BRAP: variants seen among roughly 807,000 people sequenced by gnomAD.
BRAP encodes the protein BRCA1-associated protein.
BRAP carries 42 observed loss-of-function variants against 73.4 expected under a neutral mutation model. The ratio of observed to expected loss-of-function variants is 0.57; its 90% confidence interval spans 0.45 to 0.74. The LOEUF (loss-of-function observed/expected upper bound fraction) is 0.74. Ranked by LOEUF, BRAP falls within the 30% of genes least tolerant of loss-of-function variation. The pLI, the probability that BRAP is intolerant of heterozygous loss-of-function variation, is 0.00. For synonymous variants in BRAP, 255 were observed against 267.4 expected (o/e 0.95, Z 0.45); for missense variants, 593 against 751.4 (o/e 0.79, Z 2.46).
intron 10 of BRAP, among the ~76,000 whole-genome samples, chr12:111,654,456 C>T (rs527991018): frequency 1.3e-5 from 2 of 152,184 alleles, no homozygotes; most frequent in South Asian, 2.1e-4. Flanking sequence ...GCTGGGATTA[C>T]AGGCGCCTGC....
chr12:111,655,754 A>C, intron 9 of BRAP, 99 bp from the exon 10 acceptor site: 1 of 942,524 alleles, frequency 1.1e-6, no homozygotes, highest in Non-Finnish European at 1.7e-6. Context: ...CAGAAAACTA[A>C]AACTAACCAA....
At chr12:111,674,781 A>G (rs189072398) in intron 4 of BRAP, among the ~76,000 whole-genome samples, 27 of 152,318 alleles carry the variant, frequency 1.8e-4, no homozygotes, top group African/African-American at 6.5e-4. Flanking sequence ...GGCTTCCCCC[A>G]TTCTTCAGGA....
intron 5 of BRAP, among the ~76,000 whole-genome samples, chr12:111,669,087 A>G (rs878933725): frequency 1.3e-5 from 2 of 152,228 alleles, no homozygotes; most frequent in Middle Eastern, 3.2e-3. Flanking sequence ...ATTTACGTTC[A>G]GTCAATAGTT....
intron 4 of BRAP, 100 bp from the exon 5 acceptor site, chr12:111,672,874 T>G (rs938305805): frequency 3.8e-5 from 35 of 922,156 alleles, no homozygotes; most frequent in Non-Finnish European, 5.0e-5. Context: ...TCATCAGCTT[T>G]TAAAATTTAT....
chr12:111,684,794 C>G (rs1887741976), intron 1 of BRAP, among the ~76,000 whole-genome samples: 2 of 152,012 alleles, frequency 1.3e-5, no homozygotes, highest in Non-Finnish European at 2.9e-5. Context: ...TCAGCCTCCC[C>G]AGTAGCTGGG....
chr12:111,659,868 G>GTAGAAAAAACAAAAACAAAATTTTT (rs1210002133), intron 7 of BRAP, among the ~76,000 whole-genome samples: 4 of 151,644 alleles, frequency 2.6e-5, no homozygotes, highest in Non-Finnish European at 5.9e-5. Flanking sequence ...TGTTTTTTTT[G>GTAGAAAAAACAAAAACAAAATTTTT]TAGAAAAAAC....
intron 9 of BRAP, among the ~76,000 whole-genome samples, chr12:111,657,924 G>A (rs1175645734): frequency 6.6e-6 from 1 of 150,992 alleles, no homozygotes; most frequent in African/African-American, 2.4e-5. Flanking sequence ...AAGTAACAAG[G>A]CACAGTGAAA....
At chr12:111,650,576 A>AT in intron 10 of BRAP, among the ~76,000 whole-genome samples, 1 of 151,900 alleles carries the variant, frequency 6.6e-6, no homozygotes, top group South Asian at 2.1e-4. Context: ...TAATTTTTCT[A>AT]TTTTTTAGTA....
In BRAP at chr12:111,644,578, G is replaced by A; in HGVS notation, c.1416-16C>T. 6.2e-7 allele frequency: 1 copy of A among 1,607,614 alleles called. No individual in the cohort carries two copies. Among genetic ancestry groups the A allele is most frequent in the Non-Finnish European group, 8.5e-7 (1 of 1,175,510 alleles). Reference sequence around the variant, plus strand: ...CTGAGTGCACCTTTTGAAAAACAAAGGAAGACAAAAGCACATTTTTCATTT... The same window carrying A: ...CTGAGTGCACCTTTTGAAAAACAAAAGAAGACAAAAGCACATTTTTCATTT... On this transcript the variant is annotated splice_polypyrimidine_tract_variant and intron_variant, in intron 11 of 11. Coordinates refer to ENST00000419234, the MANE Select transcript of BRAP (RefSeq NM_006768.5).
intron 4 of BRAP, 35 bp from the exon 5 acceptor site, chr12:111,672,809 A>G: frequency 6.5e-7 from 1 of 1,537,320 alleles, no homozygotes; most frequent in Non-Finnish European, 9.0e-7. Flanking sequence ...AAAAAAATTA[A>G]GACAGATACC....
chr12:111,660,695 A>G lies in BRAP; in HGVS notation c.897-20T>C. ...GGACACCTATCCAGGACACCAAAAGATAATGGTGCAGGTTAAATATAAAAG... is the reference window on the plus strand; with the variant it reads ...GGACACCTATCCAGGACACCAAAAGGTAATGGTGCAGGTTAAATATAAAAG... On this transcript the variant is annotated intron_variant, in intron 6 of 11. Transcript: ENST00000419234. The G allele has an allele frequency of 6.3e-7, 1 of 1,586,966 alleles. No homozygotes were observed. Among genetic ancestry groups the G allele is most frequent in the South Asian group, 1.2e-5 (1 of 86,096 alleles).
At chr12:111,650,459 T>A (rs1401498513) in intron 10 of BRAP, among the ~76,000 whole-genome samples, 1 of 152,118 alleles carries the variant, frequency 6.6e-6, no homozygotes, top group African/African-American at 2.4e-5. Context: ...AGAGACAGGG[T>A]TTCATCATGT....
chr12:111,654,841 T>C (rs1041773607), intron 10 of BRAP, among the ~76,000 whole-genome samples: 5 of 152,172 alleles, frequency 3.3e-5, no homozygotes, highest in Non-Finnish European at 7.4e-5. Flanking sequence ...CAAGATTTTA[T>C]TTCATACTAA....
In BRAP at chr12:111,651,034, C is replaced by T. The variant is rs943919597; in HGVS notation, c.1312-992G>A. On this transcript the variant is annotated intron_variant, in intron 10 of 11. Transcript: ENST00000419234. ...GCGAACTTGGGAATTTCCTCAACTCCACTGGTCTAAGGACACCAGCAAAAG... is the reference window on the plus strand; with the variant it reads ...GCGAACTTGGGAATTTCCTCAACTCTACTGGTCTAAGGACACCAGCAAAAG... Among the ~76,000 whole-genome samples the T allele has an allele frequency of 2.6e-5, 4 of 152,124 alleles. No individual in the cohort carries two copies. The South Asian group carries it at 8.3e-4, about 32-fold the overall frequency.
chr12:111,682,804 T>C (rs1054224568), intron 2 of BRAP, among the ~76,000 whole-genome samples: 1 of 151,860 alleles, frequency 6.6e-6, no homozygotes, highest in Admixed American at 6.6e-5. Flanking sequence ...CCCAGCTACT[T>C]GGGAGGCTGA....
In BRAP at chr12:111,682,367, G is replaced by A. The variant is rs928956285; in HGVS notation, c.245-532C>T. The stretch of plus-strand genomic sequence containing the variant: ...ACAAAAATTAGCTGGGTGTAGTAGC[G>A]TGCACCTGTAGTCCCAGCTACTTGG... On this transcript the variant is annotated intron_variant, in intron 2 of 11. Coordinates refer to ENST00000419234, the MANE Select transcript of BRAP (RefSeq NM_006768.5). 1.4e-4 allele frequency among the ~76,000 whole-genome samples: 21 copies of A among 151,842 alleles called. 1 individual carries two copies.
intron 4 of BRAP, among the ~76,000 whole-genome samples, chr12:111,678,078 C>T (rs931147121): frequency 1.3e-5 from 2 of 151,838 alleles, no homozygotes; most frequent in Non-Finnish European, 2.9e-5. Flanking sequence ...CATGGAGAAA[C>T]TCCGCCTCTA....
rs1885999867 is a variant in BRAP at position 111,644,042 on chromosome 12, T to C, written c.*157A>G. 8.5e-7 allele frequency: 1 copy of C among 1,177,664 alleles called. No individual in the cohort carries two copies. The highest frequency in any genetic ancestry group is 1.2e-6 in the Non-Finnish European group (1 of 864,460). 73.0% of individuals were successfully genotyped at this position (1,177,664 alleles called of 1,614,324 possible). On this transcript the variant is annotated 3_prime_UTR_variant, in exon 12 of 12. Coordinates refer to ENST00000419234, the MANE Select transcript of BRAP (RefSeq NM_006768.5). ...GCTCTCCAGTCAGCACCCTTTACAT[T>C]CACTACATCACACACTAGCAAATGA... is the stretch of plus-strand genomic sequence containing the variant.
chr12:111,683,037 G>A lies in BRAP; in HGVS notation c.244+109C>T, dbSNP rs142161360. 125 of 1,271,636 alleles carry A rather than the reference G, an allele frequency of 9.8e-5. No homozygotes were observed. The African/African-American group carries it at 1.8e-3, about 18-fold the overall frequency. The allele number at this position is 1,271,636 out of a possible 1,614,324, so 78.8% of individuals were successfully genotyped here. On this transcript the variant is annotated intron_variant, in intron 2 of 11. Transcript: ENST00000419234. ...CATATAAAGCACACACGTAGTGAAA[G>A]ACAAAAGTATGCTAGATGTTGAAAT...
Sources: gnomAD v4.1 joint callset for allele counts (sites outside exome capture counted in the v4.1 genomes callset) on GRCh38, gnomAD v4.1.1 for gene constraint, MANE v1.5 for transcripts, NCBI Gene and HGNC (gene_info 2026-07-23, HGNC 2026-07-21) for gene names.